UBE2E2: variants seen among roughly 807,000 people sequenced by gnomAD.
UBE2E2 encodes ubiquitin-conjugating enzyme E2 E2.
UBE2E2 carries 6 observed loss-of-function variants against 24.7 expected under a neutral mutation model. The observed-to-expected ratio is 0.24, with a 90% CI of 0.13 to 0.48. The LOEUF (loss-of-function observed/expected upper bound fraction) is 0.48. Ranked by LOEUF, UBE2E2 falls within the 20% of genes least tolerant of loss-of-function variation. UBE2E2 has a pLI of 0.99. For synonymous variants in UBE2E2, 104 were observed against 83.6 expected (o/e 1.24, Z -1.33); for missense variants, 169 against 245.0 (o/e 0.69, Z 2.07).
intron 3 of UBE2E2, among the ~76,000 whole-genome samples, chr3:23,243,423 C>G (rs555403078): frequency 6.6e-6 from 1 of 152,278 alleles, no homozygotes; most frequent in Non-Finnish European, 1.5e-5. Flanking sequence ...CCCCTCAGAC[C>G]TCTCAGATCC....
chr3:23,378,353 A>G (rs1696577883), intron 3 of UBE2E2, among the ~76,000 whole-genome samples: 2 of 152,094 alleles, frequency 1.3e-5, no homozygotes, highest in Admixed American at 1.3e-4. Flanking sequence ...ATTTAAAGGT[A>G]CATATGTGCT....
At chr3:23,508,998 G>A (rs939112124) in intron 4 of UBE2E2, among the ~76,000 whole-genome samples, 6 of 152,140 alleles carry the variant, frequency 3.9e-5, no homozygotes, top group Admixed American at 2.6e-4. Context: ...CTCCCCTCAC[G>A]TGAGTTTTCT....
intron 3 of UBE2E2, among the ~76,000 whole-genome samples, chr3:23,256,243 T>C (rs1697717427): frequency 6.6e-6 from 1 of 152,246 alleles, no homozygotes; most frequent in Non-Finnish European, 1.5e-5. Context: ...TCACTGAAGT[T>C]AATAGGATTG....
chr3:23,231,146 A>C (rs549897423), intron 3 of UBE2E2, among the ~76,000 whole-genome samples: 16 of 152,266 alleles, frequency 1.1e-4, no homozygotes, highest in Admixed American at 2.0e-4. Context: ...CAGATTCTGG[A>C]CCCTAAACAA....
Position 23,502,054 on chromosome 3 carries a change from C to T in UBE2E2, c.360+2314C>T, listed in dbSNP as rs573814091. 4.5e-4 allele frequency among the ~76,000 whole-genome samples: 69 copies of T among 152,100 alleles called. 1 individual carries two copies. Among genetic ancestry groups the T allele is most frequent in the African/African-American group, 1.5e-3 (64 of 41,502 alleles). ...AGATTCTGTAGATAGATGTGTTACT[C>T]GAGGGAGAAAAAACTTGGGGTGTAG... On this transcript the variant is annotated intron_variant, in intron 4 of 5. Transcript: ENST00000396703.
chr3:23,225,792 A>AT (rs1241522158), intron 3 of UBE2E2, among the ~76,000 whole-genome samples: 1 of 152,170 alleles, frequency 6.6e-6, no homozygotes, highest in African/African-American at 2.4e-5. Context: ...CCCAGTGGAA[A>AT]TGGGAAGAGG....
chr3:23,313,445 C>T lies in UBE2E2; in HGVS notation c.227+96133C>T, dbSNP rs528681034. On this transcript the variant is annotated intron_variant, in intron 3 of 5. Coordinates refer to ENST00000396703, the MANE Select transcript of UBE2E2 (RefSeq NM_152653.4). ...CTGTTCCCAGGCTGGAGTGCAGTGG[C>T]GCAATCTCAGCTTACTGTAACCTCT... Among the ~76,000 whole-genome samples the T allele has an allele frequency of 3.9e-4, 50 of 128,320 alleles. No homozygotes were observed. In the South Asian group the frequency reaches 0.01, roughly 27 times the overall value. The allele number at this position is 128,320 out of a possible 152,430, so 84.2% of individuals were successfully genotyped here. A position where few individuals can be genotyped will look rare whatever the true frequency, so the allele number is the denominator to read the frequency against.
chr3:23,408,065 T>A (rs1697407997), intron 3 of UBE2E2, among the ~76,000 whole-genome samples: 1 of 152,148 alleles, frequency 6.6e-6, no homozygotes, highest in South Asian at 2.1e-4. Flanking sequence ...TATTAAAAAA[T>A]ACACTAGCAC....
At chr3:23,243,842 G>C (rs995738868) in intron 3 of UBE2E2, among the ~76,000 whole-genome samples, 12 of 151,152 alleles carry the variant, frequency 7.9e-5, no homozygotes, top group African/African-American at 2.7e-4. Flanking sequence ...AGCAGAGTTT[G>C]TTCCACCTAA....
At chr3:23,380,394 T>C (rs1696639656) in intron 3 of UBE2E2, among the ~76,000 whole-genome samples, 1 of 152,092 alleles carries the variant, frequency 6.6e-6, no homozygotes, top group Non-Finnish European at 1.5e-5. Context: ...CCCAGCTGAT[T>C]TTTAAATTTT....
chr3:23,323,594 T>C (rs1207036305), intron 3 of UBE2E2: 2 of 432,070 alleles, frequency 4.6e-6, no homozygotes, highest in Non-Finnish European at 4.6e-6. Context: ...TAGGTAGGTA[T>C]AATGCACATA....
At chr3:23,412,669 CTT>C (rs1697519882) in intron 3 of UBE2E2, among the ~76,000 whole-genome samples, 1 of 152,158 alleles carries the variant, frequency 6.6e-6, no homozygotes, top group South Asian at 2.1e-4. Context: ...AGAAACAACT[CTT>C]CTTTCCTCAT....
intron 3 of UBE2E2, among the ~76,000 whole-genome samples, chr3:23,218,685 A>T (rs931643310): frequency 6.6e-6 from 1 of 152,144 alleles, no homozygotes; most frequent in African/African-American, 2.4e-5. Context: ...ATCACCGGCA[A>T]AATAAACAAC....
intron 3 of UBE2E2, among the ~76,000 whole-genome samples, chr3:23,478,012 G>A (rs1699176823): frequency 6.6e-6 from 1 of 152,210 alleles, no homozygotes. Flanking sequence ...CCCCAGGCAT[G>A]TGGAACTGTG....
chr3:23,392,187 CTT>C (rs1696954094), intron 3 of UBE2E2, among the ~76,000 whole-genome samples: 1 of 152,212 alleles, frequency 6.6e-6, no homozygotes, highest in African/African-American at 2.4e-5. Context: ...GGAAAGCCCT[CTT>C]TTAAAATCAG....
chr3:23,531,989 G>A (rs1180936688), intron 4 of UBE2E2, among the ~76,000 whole-genome samples: 4 of 151,330 alleles, frequency 2.6e-5, no homozygotes, highest in Non-Finnish European at 5.9e-5. Context: ...TTGAACCCGG[G>A]AGGTGGAGGT....
chr3:23,315,415 A>T (rs560823371), intron 3 of UBE2E2, among the ~76,000 whole-genome samples: 9 of 151,388 alleles, frequency 5.9e-5, no homozygotes, highest in Non-Finnish European at 1.2e-4. Flanking sequence ...AGACTGATAC[A>T]TTCTTCAGTA....
chr3:23,402,856 C>G (rs536221580), intron 3 of UBE2E2, among the ~76,000 whole-genome samples: 2 of 152,294 alleles, frequency 1.3e-5, no homozygotes, highest in Admixed American at 6.5e-5. Flanking sequence ...TGGCTTTGAT[C>G]TGATGCCTGT....
chr3:23,394,808 G>A (rs993338812), intron 3 of UBE2E2, among the ~76,000 whole-genome samples: 2 of 151,972 alleles, frequency 1.3e-5, no homozygotes, highest in Admixed American at 1.3e-4. Flanking sequence ...CACTCAGAAG[G>A]TGTTCTACCT....
Sources: allele counts gnomAD v4.1 joint callset (sites outside exome capture counted in the v4.1 genomes callset), GRCh38; gene constraint gnomAD v4.1.1; transcripts MANE v1.5; gene names NCBI Gene and HGNC (gene_info 2026-07-23, HGNC 2026-07-21).